AMN1: variants seen among roughly 807,000 people sequenced by gnomAD.
AMN1 encodes antagonist of mitotic exit network 1 homolog, also known as protein AMN1 homolog.
In AMN1, 20 loss-of-function variants were observed where a neutral mutation model predicts 33.0. That is an observed-to-expected ratio of 0.61 (90% CI 0.43 to 0.88). The LOEUF (loss-of-function observed/expected upper bound fraction) is 0.88. Ranked by LOEUF, AMN1 falls within the 40% of genes least tolerant of loss-of-function variation. The pLI is 0.00. For synonymous variants in AMN1, 114 were observed against 111.9 expected, an observed-to-expected ratio of 1.02 and a Z score of -0.12; for missense variants, 246 against 307.4, an observed-to-expected ratio of 0.80 and a Z score of 1.49.
At chr12:31,692,963 C>T (rs1052010990) in intron 5 of AMN1, among the ~76,000 whole-genome samples, 1 of 152,124 alleles carries the variant, frequency 6.6e-6, no homozygotes, top group Admixed American at 6.6e-5. Flanking sequence ...ATAAAATGAA[C>T]AAAATGATGA....
chr12:31,699,700 T>C (rs992485111), intron 3 of AMN1, among the ~76,000 whole-genome samples: 1 of 152,138 alleles, frequency 6.6e-6, no homozygotes, highest in Non-Finnish European at 1.5e-5. Context: ...AATTATTGAA[T>C]GGAGGAGGAG....
intron 1 of AMN1, among the ~76,000 whole-genome samples, chr12:31,727,060 G>T (rs1940104043): frequency 6.6e-6 from 1 of 152,036 alleles, no homozygotes; most frequent in Admixed American, 6.6e-5. Context: ...TTGCCATGTT[G>T]CCTAGACTGG....
chr12:31,710,282 C>A (rs753611331), intron 1 of AMN1, among the ~76,000 whole-genome samples: 5 of 152,002 alleles, frequency 3.3e-5, no homozygotes, highest in Non-Finnish European at 7.4e-5. Context: ...TTATCTGTGT[C>A]CTGAAATTCC....
intron 2 of AMN1, among the ~76,000 whole-genome samples, chr12:31,704,232 A>G (rs1939125772): frequency 6.6e-6 from 1 of 152,148 alleles, no homozygotes; most frequent in African/African-American, 2.4e-5. Flanking sequence ...TATTGCTAAC[A>G]TTGGGTTTTG....
In AMN1 at chr12:31,672,285, G is replaced by T. The variant is rs1565756021; in HGVS notation, c.*19C>A. The T allele has an allele frequency of 6.5e-7, 1 of 1,547,716 alleles. No homozygotes were observed. Among genetic ancestry groups the T allele is most frequent in the South Asian group, 1.2e-5 (1 of 84,404 alleles). Reference sequence around the variant, plus strand: ...AGTTTTGATAAGCTTTCCTAGCATTGATCATCTTCAAAAAAGCATCAATAA... The same window carrying T: ...AGTTTTGATAAGCTTTCCTAGCATTTATCATCTTCAAAAAAGCATCAATAA... On this transcript the variant is annotated 3_prime_UTR_variant, in exon 7 of 7. Coordinates refer to ENST00000281471, the MANE Select transcript of AMN1 (RefSeq NM_001113402.2).
intron 5 of AMN1, among the ~76,000 whole-genome samples, chr12:31,693,578 T>G (rs753526269): frequency 2.0e-5 from 3 of 151,652 alleles, no homozygotes; most frequent in Admixed American, 6.6e-5. Context: ...GTTTTGCTCT[T>G]GTTGCCCAGG....
chr12:31,705,555 C>T (rs527883079), intron 2 of AMN1, among the ~76,000 whole-genome samples: 1 of 152,006 alleles, frequency 6.6e-6, no homozygotes, highest in South Asian at 2.1e-4. Flanking sequence ...TATCATCAGA[C>T]CTTGCTTCCT....
chr12:31,671,189 A>C lies in AMN1; in HGVS notation c.*1115T>G, dbSNP rs1388831848. The C allele has an allele frequency of 6.6e-6, 1 of 152,122 alleles. No individual in the cohort carries two copies. Among genetic ancestry groups the C allele is most frequent in the African/African-American group, 2.4e-5 (1 of 41,436 alleles). The allele number at this position is 152,122 out of a possible 1,614,324, so 9.4% of individuals were successfully genotyped here. ...ATTTTATTGAATTTGTCTTTAGAAAAATTTCATAGTTAGAACAGGCCTTAC... is the reference window on the plus strand; with the variant it reads ...ATTTTATTGAATTTGTCTTTAGAAACATTTCATAGTTAGAACAGGCCTTAC... On this transcript the variant is annotated 3_prime_UTR_variant, in exon 7 of 7. Coordinates refer to ENST00000281471, the MANE Select transcript of AMN1 (RefSeq NM_001113402.2).
intron 1 of AMN1, among the ~76,000 whole-genome samples, chr12:31,717,774 T>C (rs1939732803): frequency 6.6e-6 from 1 of 152,162 alleles, no homozygotes; most frequent in African/African-American, 2.4e-5. Context: ...TACATAGGTA[T>C]ACATGTGCCA....
intron 2 of AMN1, among the ~76,000 whole-genome samples, chr12:31,702,220 G>A (rs576811405): frequency 1.3e-5 from 2 of 152,310 alleles, no homozygotes; most frequent in East Asian, 1.9e-4. Context: ...TGCTGGCAAA[G>A]TCCTTCTTGG....
chr12:31,679,377 A>G (rs1223297253), intron 6 of AMN1, among the ~76,000 whole-genome samples: 1 of 152,020 alleles, frequency 6.6e-6, no homozygotes, highest in Non-Finnish European at 1.5e-5. Flanking sequence ...AAAAATACAA[A>G]AAAATTAGCC....
chr12:31,729,057 C>G (rs1441865608), upstream of AMN1: 2 of 1,471,690 alleles, frequency 1.4e-6, no homozygotes, highest in Non-Finnish European at 1.8e-6. Context: ...CTCCAGAACC[C>G]AGCCAGGGAC....
intron 6 of AMN1, among the ~76,000 whole-genome samples, chr12:31,681,149 T>A (rs575521402): frequency 1.5e-4 from 23 of 152,332 alleles, no homozygotes; most frequent in African/African-American, 5.0e-4. Flanking sequence ...AGCCATTTTA[T>A]ATGAACTATT....
chr12:31,686,716 TGAAAGTGAAAAA>T (rs1458007408), intron 6 of AMN1, among the ~76,000 whole-genome samples: 1 of 152,176 alleles, frequency 6.6e-6, no homozygotes, highest in Admixed American at 6.5e-5. Flanking sequence ...AATATTATAC[TGAAAGTGAAAAA>T]AATGCTTGCA....
chr12:31,718,027 C>T (rs1939743278), intron 1 of AMN1, among the ~76,000 whole-genome samples: 1 of 152,108 alleles, frequency 6.6e-6, no homozygotes, highest in South Asian at 2.1e-4. Context: ...AACGTGGTTC[C>T]ATTCTCTCAA....
At chr12:31,697,609 C>T in intron 4 of AMN1, 131 bp downstream of exon 4, 3 of 1,113,044 alleles carry the variant, frequency 2.7e-6, no homozygotes, top group Non-Finnish European at 3.9e-6. Flanking sequence ...ATTACTTAAC[C>T]ACAAAAAGCA....
At chr12:31,725,857 A>G (rs1940041920) in intron 1 of AMN1, among the ~76,000 whole-genome samples, 1 of 151,932 alleles carries the variant, frequency 6.6e-6, no homozygotes, top group Admixed American at 6.6e-5. Flanking sequence ...CACCATGCCC[A>G]GTTAATTTTT....
At chr12:31,700,905 G>A (rs1449684702) in intron 3 of AMN1, among the ~76,000 whole-genome samples, 1 of 151,866 alleles carries the variant, frequency 6.6e-6, no homozygotes, top group African/African-American at 2.4e-5. Context: ...TAGCCAGGAT[G>A]GTCTCGATCT....
Position 31,709,459 on chromosome 12 carries a change from G to A in AMN1, c.39-34C>T, listed in dbSNP as rs754110861. The A allele has an allele frequency of 1.9e-6, 3 of 1,581,204 alleles. No individual in the cohort carries two copies. In the South Asian group the frequency reaches 3.4e-5, roughly 18 times the overall value. ...CAAATACAATATAGTAAATCACACTGGGCCTGTACTGATTCCTAACACTTG... is the reference window on the plus strand; with the variant it reads ...CAAATACAATATAGTAAATCACACTAGGCCTGTACTGATTCCTAACACTTG... On this transcript the variant is annotated intron_variant, in intron 1 of 6. Coordinates refer to ENST00000281471, the MANE Select transcript of AMN1 (RefSeq NM_001113402.2).
Sources: allele counts gnomAD v4.1 joint callset (sites outside exome capture counted in the v4.1 genomes callset), GRCh38; gene constraint gnomAD v4.1.1; transcripts MANE v1.5; gene names NCBI Gene and HGNC (gene_info 2026-07-23, HGNC 2026-07-21).